The following MORC4 variants were observed in gnomAD, a reference collection of about 807,000 sequenced individuals.
MORC4 encodes MORC family CW-type zinc finger protein 4.
Under a neutral mutation model 65.5 loss-of-function variants are expected in MORC4, and 22 were observed. The ratio of observed to expected loss-of-function variants is 0.34; its 90% confidence interval spans 0.24 to 0.48. The LOEUF is 0.48. Among genes scored for constraint, MORC4 ranks in the 20% least tolerant of loss-of-function variants. MORC4 has a pLI of 0.99. For synonymous variants in MORC4, 267 were observed against 255.8 expected, an observed-to-expected ratio of 1.04 and a Z score of -0.42; for missense variants, 624 against 703.0, an observed-to-expected ratio of 0.89 and a Z score of 1.27.
At chrX:106,960,608 G>A (rs1191626585) in intron 10 of MORC4, among the ~76,000 whole-genome samples, 1 of 111,855 alleles carries the variant, frequency 8.9e-6, no homozygotes, top group Non-Finnish European at 1.9e-5. Flanking sequence ...ACCACTGCAT[G>A]TAAAGAACTT....
Position 106,941,461 on chromosome X carries a change from G to A in MORC4, c.*18C>T. 3 of 1,166,931 alleles carry A rather than the reference G, an allele frequency of 2.6e-6. No individual in the cohort carries two copies. The highest frequency in any genetic ancestry group is 3.0e-5 in the East Asian group (1 of 33,102). ...ACAGACAGAAGATAAGAGAAGAGAA[G>A]GGTATACAGTCTGGTGCTCAATCCA... On this transcript the variant is annotated 3_prime_UTR_variant, in exon 17 of 17. Coordinates refer to ENST00000355610, the MANE Select transcript of MORC4 (RefSeq NM_024657.5).
intron 14 of MORC4, among the ~76,000 whole-genome samples, chrX:106,948,156 G>A (rs1744756378): frequency 9.0e-6 from 1 of 110,931 alleles, no homozygotes; most frequent in Non-Finnish European, 1.9e-5. Flanking sequence ...ATTACTTTAT[G>A]CAATGTTACA....
In MORC4 at chrX:106,944,304, G is replaced by C; in HGVS notation, c.1686-1099C>G. 2.7e-5 allele frequency among the ~76,000 whole-genome samples: 3 copies of C among 111,671 alleles called. 1 individual carries two copies. In the Admixed American group the frequency reaches 2.9e-4, roughly 11 times the overall value. On this transcript the variant is annotated intron_variant, in intron 14 of 16. Transcript: ENST00000355610. ...CTTAGGTAAAAGCAAAAGGACTTAGGAGCTATGTAAGAATAACTGTATCCA... is the reference window on the plus strand; with the variant it reads ...CTTAGGTAAAAGCAAAAGGACTTAGCAGCTATGTAAGAATAACTGTATCCA...
chrX:106,952,227 T>C (rs1270267906), intron 14 of MORC4, among the ~76,000 whole-genome samples: 1 of 110,887 alleles, frequency 9.0e-6, no homozygotes, highest in East Asian at 2.8e-4. Context: ...AATTTCCTCA[T>C]CGTGCAAACA....
chrX:106,998,333 G>A (rs1935115182), intron 2 of MORC4, among the ~76,000 whole-genome samples: 1 of 111,857 alleles, frequency 8.9e-6, no homozygotes, highest in African/African-American at 3.3e-5. Flanking sequence ...CTTAGATCCG[G>A]CTTAGGTTCT....
intron 9 of MORC4, among the ~76,000 whole-genome samples, chrX:106,972,233 C>T (rs1312948144): frequency 1.7e-4 from 19 of 110,914 alleles, no homozygotes; most frequent in Admixed American, 1.4e-3. Context: ...AACCAAACAC[C>T]GCATGTTCTC....
At chrX:106,962,277 T>C (rs996177967) in intron 9 of MORC4, among the ~76,000 whole-genome samples, 167 bp from the exon 10 acceptor site, 4 of 112,774 alleles carry the variant, frequency 3.5e-5, no homozygotes, top group African/African-American at 9.7e-5. Context: ...CTTTGCAAGC[T>C]ACATGTCAAA....
chrX:106,948,938 T>C lies in MORC4; in HGVS notation c.1686-5733A>G, dbSNP rs929668119. Among the ~76,000 whole-genome samples, 24 of 111,857 alleles carry C rather than the reference T, an allele frequency of 2.1e-4. 1 individual carries two copies. Among genetic ancestry groups the C allele is most frequent in the African/African-American group, 7.8e-4 (24 of 30,837 alleles). ...TTGAGTTTGCTGAGCTTCCTAGATG[T>C]ATACATTAATGTTTTTCATCAACTT... On this transcript the variant is annotated intron_variant, in intron 14 of 16. Transcript: ENST00000355610.
chrX:106,987,094 G>C, intron 3 of MORC4, among the ~76,000 whole-genome samples: 1 of 111,942 alleles, frequency 8.9e-6, no homozygotes, highest in Non-Finnish European at 1.9e-5. Context: ...GAAATGAATA[G>C]AGTTTGGCAA....
At chrX:106,982,372 T>C (rs57519898) in intron 5 of MORC4, among the ~76,000 whole-genome samples, 13,002 of 111,652 alleles carry the variant, frequency 0.12, 1,908 homozygotes, top group African/African-American at 0.4. Context: ...CTTCAGGCTC[T>C]ATAAGCTCAG....
chrX:106,983,305 T>A (rs934459223), intron 5 of MORC4, among the ~76,000 whole-genome samples: 2 of 112,205 alleles, frequency 1.8e-5, no homozygotes, highest in Non-Finnish European at 3.8e-5. Flanking sequence ...TACTTGAGGT[T>A]TTCTCAGTAG....
At chrX:106,999,803 C>T (rs1479731615) in intron 1 of MORC4, 54 bp from the exon 2 acceptor site, 1 of 951,876 alleles carries the variant, frequency 1.1e-6, no homozygotes, top group African/African-American at 2.1e-5. Flanking sequence ...GCCGGGCCCT[C>T]CCCGCGCGCC....
At chrX:106,954,892 G>T (rs762476084) in intron 14 of MORC4, 21 bp downstream of exon 14, 9 of 1,190,344 alleles carry the variant, frequency 7.6e-6, no homozygotes, top group Non-Finnish European at 9.1e-6. Flanking sequence ...CTATTGACAA[G>T]AGATCATGCT....
chrX:106,990,539 T>C (rs1350451826), intron 3 of MORC4, among the ~76,000 whole-genome samples: 4 of 112,499 alleles, frequency 3.6e-5, no homozygotes, highest in Non-Finnish European at 7.5e-5. Flanking sequence ...ATTATAGGCA[T>C]GAGCCACCAT....
rs187003065 is a variant in MORC4 at position 106,960,925 on chromosome X, C to T, written c.1256+1087G>A. ...TTTCCATTAAAATAATAGGTACCTA[C>T]TCCAAAAAGAACTTTTACCACTCTA... is the stretch of plus-strand genomic sequence containing the variant. On this transcript the variant is annotated intron_variant, in intron 10 of 16. Coordinates refer to ENST00000355610, the MANE Select transcript of MORC4 (RefSeq NM_024657.5). Among the ~76,000 whole-genome samples the T allele has an allele frequency of 8.4e-3, 937 of 111,935 alleles. 11 individuals carry two copies. Among genetic ancestry groups the T allele is most frequent in the Non-Finnish European group, 0.013 (667 of 53,172 alleles).
At chrX:106,978,849 T>C (rs757230952) in intron 7 of MORC4, among the ~76,000 whole-genome samples, 1 of 111,225 alleles carries the variant, frequency 9.0e-6, no homozygotes, top group East Asian at 2.8e-4. Context: ...CCAAACACAA[T>C]GAAAGCAAAA....
chrX:106,943,039 C>T lies in MORC4; in HGVS notation c.1852G>A (p.Glu618Lys), dbSNP rs1933733795. ...AAAAGGTATGGTGGTGTACTTCTCT[C>T]AGAACTCGATTTATCATGGCTGTTC... ...GENSHDKSSS[E>K]RSTPPYLFPE... The change falls in exon 15 of 17, where the codon GAG (glutamate) becomes AAG (lysine). Residue 618 changes from glutamate to lysine, a missense_variant. Coordinates refer to ENST00000355610, the MANE Select transcript of MORC4 (RefSeq NM_024657.5). The T allele has an allele frequency of 8.3e-7, 1 of 1,209,504 alleles. No individual in the cohort carries two copies. The highest frequency in any genetic ancestry group is 1.8e-5 in the African/African-American group (1 of 57,012).
intron 13 of MORC4, among the ~76,000 whole-genome samples, chrX:106,956,128 G>T (rs1439734814): frequency 9.0e-6 from 1 of 111,588 alleles, no homozygotes; most frequent in African/African-American, 3.3e-5. Context: ...GATCACCCCT[G>T]AATCCTAGAA....
intron 10 of MORC4, among the ~76,000 whole-genome samples, chrX:106,961,555 G>A (rs908025254): frequency 8.9e-6 from 1 of 111,994 alleles, no homozygotes; most frequent in East Asian, 2.8e-4. Context: ...TGTCTTACAA[G>A]AGGATTGTAA....
Sources: gnomAD v4.1 joint callset for allele counts (sites outside exome capture counted in the v4.1 genomes callset) on GRCh38, gnomAD v4.1.1 for gene constraint, MANE v1.5 for transcripts, NCBI Gene and HGNC (gene_info 2026-07-23, HGNC 2026-07-21) for gene names.